AIRIM: variants seen among roughly 807,000 people sequenced by gnomAD.
AIRIM encodes the protein AFG2 interacting ribosome maturation factor.
At chr1:37,683,641 T>C in the AIRIM span, 1 of 525,650 alleles carries the variant, frequency 1.9e-6, no homozygotes, top group South Asian at 2.6e-5. Context: ...GAAAGAGGAA[T>C]GAAACCATCC....
At chr1:37,686,741 T>A in the AIRIM span, among the ~76,000 whole-genome samples, 3 of 152,146 alleles carry the variant, frequency 2.0e-5, no homozygotes, top group Non-Finnish European at 4.4e-5. Flanking sequence ...CTAAGGAGAT[T>A]AGTGACAGTG....
chr1:37,685,192 T>TTGGGG, the AIRIM span, among the ~76,000 whole-genome samples: 1 of 44,778 alleles, frequency 2.2e-5, no homozygotes, highest in Non-Finnish European at 4.1e-5. Flanking sequence ...TGCTTTTTTT[T>TTGGGG]GGGGGGGGGG....
chr1:37,685,756 T>C, the AIRIM span, among the ~76,000 whole-genome samples: 32 of 152,322 alleles, frequency 2.1e-4, no homozygotes, highest in African/African-American at 5.5e-4. Context: ...CCTCACCTGC[T>C]GTTAGGCTCC....
chr1:37,686,473 T>C, the AIRIM span: 1 of 1,606,610 alleles, frequency 6.2e-7, no homozygotes, highest in Non-Finnish European at 8.5e-7. Context: ...GAGTCTGACA[T>C]TAGGCAATAT....
chr1:37,687,090 G>A, the AIRIM span, among the ~76,000 whole-genome samples: 13 of 148,266 alleles, frequency 8.8e-5, no homozygotes, highest in African/African-American at 3.1e-4. Context: ...GTGTGTGTGT[G>A]TGTGTGTGTG....
the AIRIM span, chr1:37,686,496 A>G: frequency 1.3e-6 from 2 of 1,577,020 alleles, no homozygotes; most frequent in South Asian, 2.3e-5. Context: ...TGAGACATGT[A>G]TAAAGGAAGG....
At chr1:37,692,201 GC>G in the AIRIM span, 2 of 172,214 alleles carry the variant, frequency 1.2e-5, no homozygotes, top group South Asian at 2.4e-4. Context: ...GACCTAGTAG[GC>G]CCCCAGCCCT....
the AIRIM span, among the ~76,000 whole-genome samples, chr1:37,685,097 G>A: frequency 2.7e-5 from 4 of 149,432 alleles, no homozygotes; most frequent in South Asian, 2.1e-4. Flanking sequence ...ACCCTAGAAC[G>A]AAGCCAGAAT....
chr1:37,683,118 C>T, the AIRIM span: 3 of 1,612,284 alleles, frequency 1.9e-6, no homozygotes, highest in African/African-American at 2.7e-5. Context: ...ATACGCATAG[C>T]TTCCTTACTC....
chr1:37,689,696 G>A, the AIRIM span: 1 of 1,614,020 alleles, frequency 6.2e-7, no homozygotes, highest in Non-Finnish European at 8.5e-7. Flanking sequence ...GGCCCGAAGC[G>A]CCGGCACATC....
chr1:37,690,506 C>G, the AIRIM span: 13 of 1,198,494 alleles, frequency 1.1e-5, no homozygotes, highest in Non-Finnish European at 1.4e-5. Flanking sequence ...GACTGCACCA[C>G]GCGCCCACAG....
the AIRIM span, among the ~76,000 whole-genome samples, chr1:37,687,855 G>C: frequency 1.8e-4 from 27 of 151,914 alleles, no homozygotes; most frequent in Admixed American, 1.6e-3. Context: ...TTACAGGAGT[G>C]AGGCACCGTA....
chr1:37,687,221 G>A, the AIRIM span, among the ~76,000 whole-genome samples: 32 of 151,868 alleles, frequency 2.1e-4, no homozygotes, highest in African/African-American at 5.6e-4. Context: ...TCTGGCTCCC[G>A]GGTTCAAGTG....
At chr1:37,683,240 T>G in the AIRIM span, 2 of 1,610,574 alleles carry the variant, frequency 1.2e-6, no homozygotes, top group African/African-American at 2.7e-5. Flanking sequence ...CAAGGGCACC[T>G]TCCTAATGCT....
the AIRIM span, among the ~76,000 whole-genome samples, chr1:37,687,843 G>T: frequency 6.6e-6 from 1 of 152,220 alleles, no homozygotes; most frequent in African/African-American, 2.4e-5. Context: ...AAAGTGCTGG[G>T]ATTACAGGAG....
the AIRIM span, among the ~76,000 whole-genome samples, chr1:37,688,145 C>T: frequency 3.9e-5 from 6 of 152,296 alleles, no homozygotes; most frequent in South Asian, 1.2e-3. Flanking sequence ...CAACCTCTGC[C>T]TCCCAGGTCC....
the AIRIM span, among the ~76,000 whole-genome samples, chr1:37,687,079 TGTG>T: frequency 3.3e-5 from 5 of 149,734 alleles, no homozygotes; most frequent in African/African-American, 1.2e-4. Context: ...TGTGTGTGTG[TGTG>T]TGTGTGTGTG....
chr1:37,689,934 G>A, the AIRIM span: 1 of 1,495,912 alleles, frequency 6.7e-7, no homozygotes, highest in Non-Finnish European at 8.9e-7. Context: ...TGCCAAGTCA[G>A]TCGGGGAGGC....
chr1:37,690,362 G>A, the AIRIM span: 1 of 1,289,948 alleles, frequency 7.8e-7, no homozygotes, highest in Non-Finnish European at 1.0e-6. Flanking sequence ...TGCTTCAGAG[G>A]ATTCCTGGCG....
Sources: gnomAD v4.1 joint callset for allele counts (sites outside exome capture counted in the v4.1 genomes callset) on GRCh38, gnomAD v4.1.1 for gene constraint, MANE v1.5 for transcripts, NCBI Gene and HGNC (gene_info 2026-07-23, HGNC 2026-07-21) for gene names.